Variants in PCDHGA2 observed in about 807,000 individuals in gnomAD.
PCDHGA2 encodes the protein protocadherin gamma subfamily A, 2.
Under a neutral mutation model 59.2 loss-of-function variants are expected in PCDHGA2, and 40 were observed. That is an observed-to-expected ratio of 0.68 (90% CI 0.52 to 0.88). The LOEUF is 0.88. PCDHGA2 is among the 40% of genes least tolerant of loss of function. The pLI, the probability that PCDHGA2 is intolerant of heterozygous loss-of-function variation, is 0.00. For missense variants in PCDHGA2, 1,226 were observed against 1,204.0 expected (o/e 1.02, Z -0.27); for synonymous variants, 560 against 526.0 (o/e 1.06, Z -0.89).
intron 1 of PCDHGA2, among the ~76,000 whole-genome samples, chr5:141,467,288 A>G (rs1322298174): frequency 6.6e-6 from 1 of 152,084 alleles, no homozygotes; most frequent in Non-Finnish European, 1.5e-5. Context: ...CTTGACCTCA[A>G]GTGATCCACT....
chr5:141,389,360 T>C (rs1245411453), intron 1 of PCDHGA2: 4 of 1,613,742 alleles, frequency 2.5e-6, no homozygotes, highest in South Asian at 1.1e-5. Flanking sequence ...TCATGGCCAG[T>C]GACCTGGAGC....
chr5:141,433,408 A>ATCTATCTATCT (rs1413347413), intron 1 of PCDHGA2, among the ~76,000 whole-genome samples: 6 of 127,280 alleles, frequency 4.7e-5, no homozygotes, highest in African/African-American at 1.8e-4. Context: ...TCTATCTATT[A>ATCTATCTATCT]CTTTCTTGTA....
At chr5:141,411,958 GAT>G (rs1485546812) in intron 1 of PCDHGA2, 1 of 152,192 alleles carries the variant, frequency 6.6e-6, no homozygotes, top group African/African-American at 2.4e-5. Flanking sequence ...GAAGAAAAAA[GAT>G]AAAATCTTTG....
intron 1 of PCDHGA2, chr5:141,408,154 A>T: frequency 6.6e-7 from 1 of 1,510,630 alleles, no homozygotes; most frequent in Non-Finnish European, 8.9e-7. Context: ...GGTAGAGTGC[A>T]CTTTCTCCAA....
rs2099750805 is a variant in PCDHGA2, at chr5:141,493,915, T to C, written c.2425-892T>C. ...TGCTCCATGAGAGTGTGTGATGGGA[T>C]AACACACCCCCTGGAAAGACCAGAA... On this transcript the variant is annotated intron_variant, in intron 1 of 3. Transcript: ENST00000394576. This position sits in a 1 kb window ranked among gnomAD's most constrained non-coding sequence, Gnocchi z 4.3. Among the ~76,000 whole-genome samples, 1 of 152,024 alleles carries C rather than the reference T, an allele frequency of 6.6e-6. No homozygotes were observed. Among genetic ancestry groups the C allele is most frequent in the African/African-American group, 2.4e-5 (1 of 41,386 alleles).
At chr5:141,510,321 CA>C (rs1376271166) in intron 3 of PCDHGA2, among the ~76,000 whole-genome samples, 1 of 150,840 alleles carries the variant, frequency 6.6e-6, no homozygotes, top group Non-Finnish European at 1.5e-5. Context: ...CTTGGAAGAG[CA>C]CTCTTCACCC....
chr5:141,507,487 G>A (rs889348168), intron 3 of PCDHGA2, among the ~76,000 whole-genome samples: 1 of 152,204 alleles, frequency 6.6e-6, no homozygotes, highest in African/African-American at 2.4e-5. Context: ...GCCTCCTGAG[G>A]CAGAGCTGTC....
In PCDHGA2 at chr5:141,423,512, C is replaced by T. The variant is rs765694240; in HGVS notation, c.2425-71295C>T. 55 of 1,613,552 alleles carry T rather than the reference C, an allele frequency of 3.4e-5. No individual in the cohort carries two copies. The highest frequency in any genetic ancestry group is 2.8e-4 in the African/African-American group (21 of 74,924). On this transcript the variant is annotated intron_variant, in intron 1 of 3. Coordinates refer to ENST00000394576, the MANE Select transcript of PCDHGA2 (RefSeq NM_018915.4). ...TATTCCCACGAGGTCTCTCTCATTGCGGACTCGCAGAAGAGTCACCTGATT... is the reference window on the plus strand; with the variant it reads ...TATTCCCACGAGGTCTCTCTCATTGTGGACTCGCAGAAGAGTCACCTGATT...
chr5:141,393,373 A>G lies in PCDHGA2; in HGVS notation c.2424+51978A>G, dbSNP rs1364997808. 1 of 1,613,956 alleles carries G rather than the reference A, an allele frequency of 6.2e-7. No homozygotes were observed. The highest frequency in any genetic ancestry group is 1.3e-5 in the African/African-American group (1 of 75,054). On this transcript the variant is annotated intron_variant, in intron 1 of 3. Transcript: ENST00000394576. ...TCCCTGGACGTGCAGACTGGAGACA[A>G]TGGAGCCATAAACCCAGAGCTGGTG...
At position 141,372,407 on chromosome 5, in the gene PCDHGA2, A is replaced by G. The variant is rs1190545508; in HGVS notation, c.2424+31012A>G. 3.7e-6 allele frequency: 6 copies of G among 1,613,948 alleles called. No individual in the cohort carries two copies. In the Admixed American group the frequency reaches 6.7e-5, roughly 18 times the overall value. On this transcript the variant is annotated intron_variant, in intron 1 of 3. Coordinates refer to ENST00000394576, the MANE Select transcript of PCDHGA2 (RefSeq NM_018915.4). ...TCTTCGCAGATAGCTTGCAAGAGATACAACCTGACCTTAGCGACCGCCCCA... is the reference window on the plus strand; with the variant it reads ...TCTTCGCAGATAGCTTGCAAGAGATGCAACCTGACCTTAGCGACCGCCCCA...
At chr5:141,497,245 G>T (rs779763574) in intron 2 of PCDHGA2, among the ~76,000 whole-genome samples, 2 of 152,138 alleles carry the variant, frequency 1.3e-5, no homozygotes, top group Non-Finnish European at 2.9e-5. Flanking sequence ...TCTAGGAGGA[G>T]GTGACATTGA....
chr5:141,397,273 T>C (rs1324330524), intron 1 of PCDHGA2, among the ~76,000 whole-genome samples: 5 of 152,184 alleles, frequency 3.3e-5, no homozygotes, highest in Non-Finnish European at 1.5e-5. Flanking sequence ...CTACATCATA[T>C]GGGCAGTATA....
At chr5:141,423,460 G>A in intron 1 of PCDHGA2, 1 of 1,614,046 alleles carries the variant, frequency 6.2e-7, no homozygotes, top group Non-Finnish European at 8.5e-7. Context: ...TGTAGGCGTG[G>A]ACGGGGTACA....
intron 1 of PCDHGA2, chr5:141,415,232 C>G (rs1329834276): frequency 3.1e-6 from 5 of 1,614,076 alleles, no homozygotes; most frequent in Non-Finnish European, 4.2e-6. Flanking sequence ...GAGTCTCCAG[C>G]TAACTCTGAA....
chr5:141,377,448 G>A (rs976885039), intron 1 of PCDHGA2: 1 of 151,974 alleles, frequency 6.6e-6, no homozygotes, highest in Non-Finnish European at 1.5e-5. Flanking sequence ...AGAAAAAAAA[G>A]TAGCCAGATG....
chr5:141,450,555 C>T (rs958577638), intron 1 of PCDHGA2, among the ~76,000 whole-genome samples: 4 of 151,710 alleles, frequency 2.6e-5, no homozygotes, highest in East Asian at 1.9e-4. Flanking sequence ...GGCGCAGTCT[C>T]GGCTCACTGC....
chr5:141,418,224 T>C (rs756997971), intron 1 of PCDHGA2: 1 of 1,613,998 alleles, frequency 6.2e-7, no homozygotes, highest in Non-Finnish European at 8.5e-7. Flanking sequence ...GTCATTGTGG[T>C]GATTGAGGAT....
Position 141,407,403 on chromosome 5 carries a change from A to G in PCDHGA2, c.2424+66008A>G, listed in dbSNP as rs964260933. 2.0e-5 allele frequency among the ~76,000 whole-genome samples: 3 copies of G among 152,220 alleles called. No individual in the cohort carries two copies. In the East Asian group the frequency reaches 5.8e-4, roughly 29 times the overall value. Reference sequence around the variant, plus strand: ...TTGTATGTCATGGTAGGTAGTTACTATTCGATACCACAAAAATGTCTCTTG... The same window carrying G: ...TTGTATGTCATGGTAGGTAGTTACTGTTCGATACCACAAAAATGTCTCTTG... On this transcript the variant is annotated intron_variant, in intron 1 of 3. Transcript: ENST00000394576.
At chr5:141,409,317 G>A in intron 1 of PCDHGA2, 2 of 1,613,940 alleles carry the variant, frequency 1.2e-6, no homozygotes, top group Non-Finnish European at 1.7e-6. Flanking sequence ...TTCAAAACAC[G>A]GGATCTGGAT....
Sources: gnomAD v4.1 joint callset for allele counts (sites outside exome capture counted in the v4.1 genomes callset) on GRCh38, gnomAD v4.1.1 for gene constraint, Gnocchi (gnomAD v3.1) non-coding constraint, MANE v1.5 for transcripts, NCBI Gene and HGNC (gene_info 2026-07-23, HGNC 2026-07-21) for gene names.